SSR4: variants seen among roughly 807,000 people sequenced by gnomAD.
SSR4 encodes the protein translocon-associated protein subunit delta.
For missense variants in SSR4, 125 were observed against 148.8 expected (o/e 0.84, Z 0.83); for synonymous variants, 84 against 65.6 (o/e 1.28, Z -1.35).
Position 153,796,499 on chromosome X carries a change from A to C in SSR4, c.133A>C (p.Thr45Pro). ...YYTTSDAVIS[T>P]ETVFIVEISL... ...CACCACTTCTGACGCTGTCATTTCCACTGAGACCGTCTTCATTGTGGAGAT... is the reference window on the plus strand; with the variant it reads ...CACCACTTCTGACGCTGTCATTTCCCCTGAGACCGTCTTCATTGTGGAGAT... Residue 45 changes from threonine (T) to proline (P), a missense_variant, in exon 2 of 6, where the codon ACT becomes CCT. Coordinates refer to ENST00000370086, the MANE Select transcript of SSR4 (RefSeq NM_006280.3). The C allele has an allele frequency of 8.3e-7, 1 of 1,210,905 alleles. No individual in the cohort carries two copies. The highest frequency in any genetic ancestry group is 1.8e-5 in the South Asian group (1 of 56,973).
At chrX:153,797,896 C>T (rs997061844) in intron 4 of SSR4, 82 bp downstream of exon 4, 58 of 919,877 alleles carry the variant, frequency 6.3e-5, no homozygotes, top group Non-Finnish European at 8.6e-5. Context: ...GCAGCAAGTC[C>T]TGAGCTGGGT....
At position 153,798,379 on chromosome X, in the gene SSR4, C is replaced by T. The variant is rs782755414; in HGVS notation, c.468C>T (p.Ile156=). 1.6e-5 allele frequency: 19 copies of T among 1,203,271 alleles called. No individual in the cohort carries two copies. The highest frequency in any genetic ancestry group is 1.5e-4 in the East Asian group (5 of 33,475). ...WVSTEVLAAA[I]GLVIYYLAFS... ...CCACTGAGGTGCTGGCTGCGGCGAT[C>T]GGCCTTGTGATCTACTACTTGGCCT... The change falls in exon 6 of 6, where the codon ATC becomes ATT. Residue 156 remains isoleucine (I), a synonymous_variant. Transcript: ENST00000370086.
At chrX:153,796,943 C>T (rs782752528) in intron 2 of SSR4, 22 of 181,751 alleles carry the variant, frequency 1.2e-4, no homozygotes, top group Admixed American at 5.7e-4. Flanking sequence ...TGCATTGGCA[C>T]GATCTTGGCT....
intron 1 of SSR4, 91 bp downstream of exon 1, chrX:153,794,845 C>G (rs1170228216): frequency 9.5e-7 from 1 of 1,051,781 alleles, no homozygotes; most frequent in East Asian, 3.3e-5. Context: ...TCCGGCCTTT[C>G]AGGGTCCGTC....
At chrX:153,794,200 TC>T (rs1172303248), upstream of SSR4, 7 of 1,138,904 alleles carry the variant, frequency 6.1e-6, no homozygotes, top group Non-Finnish European at 7.0e-6. Context: ...ACCCCACCGC[TC>T]CCCTGCGACC....
chrX:153,796,969 C>G (rs1393616829), intron 2 of SSR4: 1 of 173,845 alleles, frequency 5.8e-6, no homozygotes, highest in East Asian at 1.4e-4. Context: ...CAGCCTCCAC[C>G]TCCCGGGTTC....
intron 3 of SSR4, 82 bp from the exon 4 acceptor site, chrX:153,797,643 G>C (rs782249804): frequency 9.0e-7 from 1 of 1,112,934 alleles, no homozygotes; most frequent in Non-Finnish European, 1.2e-6. Context: ...CTGGCTGCCG[G>C]AGTGCTGCAG....
chrX:153,796,274 C>T (rs1200077827), intron 1 of SSR4, 160 bp from the exon 2 acceptor site: 16 of 438,266 alleles, frequency 3.7e-5, no homozygotes, highest in African/African-American at 2.2e-4. Context: ...CATTTGTGAC[C>T]GAGCACTTGG....
chrX:153,794,284 C>T (rs1216490979), upstream of SSR4: 3 of 1,199,861 alleles, frequency 2.5e-6, no homozygotes, highest in Non-Finnish European at 3.4e-6. Context: ...CCGAGCACCG[C>T]CTTCGCGGCG....
In SSR4 at chrX:153,796,533, C is replaced by T. The variant is rs782667659; in HGVS notation, c.167C>T (p.Thr56Ile). ...GTCTTCATTGTGGAGATCTCCCTGA[C>T]ATGCAAGAACAGGGTCCAGGTGAGA... Reference protein sequence around the residue: ...ETVFIVEISLTCKNRVQNMAL... With the variant: ...ETVFIVEISLICKNRVQNMAL... Residue 56 changes from threonine to isoleucine, a missense_variant, in exon 2 of 6, where the codon ACA becomes ATA. Transcript: ENST00000370086. The T allele has an allele frequency of 4.2e-6, 5 of 1,202,150 alleles. No homozygotes were observed. The highest frequency in any genetic ancestry group is 1.8e-5 in the South Asian group (1 of 56,699).
Position 153,798,430 on chromosome X carries a change from C to T in SSR4, c.519C>T (p.Ala173=). 6 of 1,180,747 alleles carry T rather than the reference C, an allele frequency of 5.1e-6. No homozygotes were observed. Among genetic ancestry groups the T allele is most frequent in the Non-Finnish European group, 6.8e-6 (6 of 879,605 alleles). Reference sequence around the variant, plus strand: ...TCAGTGCGAAGAGCCACATCCAGGCCTGAGGGCGGCACCCCAGCCCTGCCC... The same window carrying T: ...TCAGTGCGAAGAGCCACATCCAGGCTTGAGGGCGGCACCCCAGCCCTGCCC... The part of the protein sequence containing the change: ...LAFSAKSHIQ[A] The change falls in exon 6 of 6, where the codon GCC becomes GCT. Residue 173 remains alanine, a synonymous_variant. Transcript: ENST00000370086.
At chrX:153,797,672 G>A (rs1557072943) in intron 3 of SSR4, 53 bp from the exon 4 acceptor site, 3 of 1,146,687 alleles carry the variant, frequency 2.6e-6, no homozygotes, top group Non-Finnish European at 3.6e-6. Context: ...CTGGTGGTCA[G>A]GGTGGCCCCT....
chrX:153,797,542 C>T lies in SSR4; in HGVS notation c.261+10C>T. 8.3e-7 allele frequency: 1 copy of T among 1,205,415 alleles called. No individual in the cohort carries two copies. The highest frequency in any genetic ancestry group is 1.1e-6 in the Non-Finnish European group (1 of 889,664). On this transcript the variant is annotated intron_variant, in intron 3 of 5. Coordinates refer to ENST00000370086, the MANE Select transcript of SSR4 (RefSeq NM_006280.3). The stretch of plus-strand genomic sequence containing the variant: ...TGTGGGGCGTTATCAGGTGAGGGGC[C>T]AATGGTTCCCTTGCTAGGGGGCTCC...
chrX:153,797,342 C>A, intron 2 of SSR4, 116 bp from the exon 3 acceptor site: 1 of 601,080 alleles, frequency 1.7e-6, no homozygotes, highest in Non-Finnish European at 2.8e-6. Context: ...AGGGACACTG[C>A]AGCCCCCAAC....
rs149873632 is a variant in SSR4 at position 153,797,479 on chromosome X, G to A, written c.208G>A (p.Val70Ile). 2.4e-5 allele frequency: 29 copies of A among 1,210,389 alleles called. No homozygotes were observed. The highest frequency in any genetic ancestry group is 5.9e-5 in the East Asian group (2 of 33,769). Residue 70 changes from valine (V) to isoleucine (I), a missense_variant, in exon 3 of 6, where the codon GTC (valine) becomes ATC (isoleucine). Coordinates refer to ENST00000370086, the MANE Select transcript of SSR4 (RefSeq NM_006280.3). ...CCAGAACATGGCTCTCTATGCTGAC[G>A]TCGGTGGAAAACAATTCCCTGTCAC... The part of the protein sequence containing the change: ...RVQNMALYAD[V>I]GGKQFPVTRG...
upstream of SSR4, chrX:153,794,432 A>G: frequency 1.8e-6 from 2 of 1,136,851 alleles, no homozygotes; most frequent in Non-Finnish European, 2.3e-6. Context: ...GGTACTGCGC[A>G]CGCGCGCGGT....
chrX:153,794,236 C>G (rs1557071306), upstream of SSR4: 2 of 1,183,507 alleles, frequency 1.7e-6, no homozygotes, highest in Non-Finnish European at 2.3e-6. Flanking sequence ...GTGGCTCTTT[C>G]CCTGCTCACC....
chrX:153,794,182 G>C (rs1269268807), upstream of SSR4: 5 of 1,108,403 alleles, frequency 4.5e-6, no homozygotes, highest in East Asian at 3.3e-5. Flanking sequence ...ACTGCTTCGG[G>C]TGCGGCTACC....
At position 153,796,499 on chromosome X, in the gene SSR4, A is replaced by G. The variant is rs1557072525; in HGVS notation, c.133A>G (p.Thr45Ala). 1.1e-5 allele frequency: 13 copies of G among 1,210,905 alleles called. No homozygotes were observed. The South Asian group carries it at 2.1e-4, about 20-fold the overall frequency. The change falls in exon 2 of 6, where the codon ACT becomes GCT. Residue 45 changes from threonine (T) to alanine (A), a missense_variant. Thr to Ala is a moderately conservative substitution (Grantham distance 58). Transcript: ENST00000370086. ...CACCACTTCTGACGCTGTCATTTCC[A>G]CTGAGACCGTCTTCATTGTGGAGAT... ...YYTTSDAVISTETVFIVEISL... is the reference protein window; with the variant it reads ...YYTTSDAVISAETVFIVEISL...
Sources: allele counts gnomAD v4.1 joint callset, GRCh38; gene constraint gnomAD v4.1.1; transcripts MANE v1.5; gene names NCBI Gene and HGNC (gene_info 2026-07-23, HGNC 2026-07-21).